The following DPYD variants were observed in gnomAD, a reference collection of about 807,000 sequenced individuals.
DPYD encodes dihydropyrimidine dehydrogenase, also known as dihydropyrimidine dehydrogenase [NADP(+)].
Under a neutral mutation model 116.2 loss-of-function variants are expected in DPYD, and 109 were observed. The observed-to-expected ratio is 0.94, with a 90% CI of 0.80 to 1.10. The LOEUF (loss-of-function observed/expected upper bound fraction) is 1.10. Ranked by LOEUF, DPYD falls within the 50% of genes least tolerant of loss-of-function variation. The pLI, the probability that DPYD is intolerant of heterozygous loss-of-function variation, is 0.00. For missense variants in DPYD, 1,302 were observed against 1,254.5 expected (o/e 1.04, Z -0.57); for synonymous variants, 440 against 432.0 (o/e 1.02, Z -0.23).
intron 16 of DPYD, among the ~76,000 whole-genome samples, chr1:97,347,542 T>G (rs75932131): frequency 0.041 from 6,211 of 152,098 alleles, 165 homozygotes; most frequent in East Asian, 0.08. Context: ...CATGTTAACA[T>G]TTTGTTTCAT....
chr1:97,361,604 C>T (rs932724948), intron 16 of DPYD, among the ~76,000 whole-genome samples: 1 of 152,190 alleles, frequency 6.6e-6, no homozygotes, highest in East Asian at 1.9e-4. Context: ...AGCTTATCCA[C>T]CACGATCAAG....
chr1:97,117,597 C>T (rs1299981613), intron 20 of DPYD, among the ~76,000 whole-genome samples: 3 of 152,086 alleles, frequency 2.0e-5, no homozygotes, highest in African/African-American at 7.2e-5. Context: ...GCTAGAATGT[C>T]GAAGATGCAA....
At chr1:97,281,988 T>C (rs1665352666) in intron 18 of DPYD, among the ~76,000 whole-genome samples, 1 of 152,134 alleles carries the variant, frequency 6.6e-6, no homozygotes, top group African/African-American at 2.4e-5. Context: ...CATAAGTTAT[T>C]GGCTTTTTTC....
At chr1:97,893,047 G>A (rs946531514) in intron 1 of DPYD, among the ~76,000 whole-genome samples, 5 of 151,728 alleles carry the variant, frequency 3.3e-5, no homozygotes, top group African/African-American at 7.2e-5. Flanking sequence ...TTAGAGTGGT[G>A]CATGCAGTAA....
intron 18 of DPYD, chr1:97,295,806 T>C (rs1666493340): frequency 1.0e-6 from 1 of 964,444 alleles, no homozygotes; most frequent in South Asian, 4.8e-5. Flanking sequence ...AACCAAGGTA[T>C]TGCTTAGTTG....
chr1:97,636,830 G>A (rs758655847), intron 8 of DPYD, among the ~76,000 whole-genome samples: 1 of 152,072 alleles, frequency 6.6e-6, no homozygotes, highest in Admixed American at 6.6e-5. Context: ...TTCACTCAGT[G>A]AATGAGGGCA....
chr1:97,809,669 G>A lies in DPYD; in HGVS notation c.233+18445C>T, dbSNP rs115539062. ...TCACAGGGAGATGCAGGATAGCTGA[G>A]GTACCATGTAGTATACACAATATCA... On this transcript the variant is annotated intron_variant, in intron 3 of 22. Transcript: ENST00000370192. Among the ~76,000 whole-genome samples the A allele has an allele frequency of 5.0e-3, 764 of 152,234 alleles. 7 individuals are homozygous for A. Among genetic ancestry groups the A allele is most frequent in the African/African-American group, 0.017 (707 of 41,562 alleles).
Position 97,793,934 on chromosome 1 carries a change from G to C in DPYD, c.233+34180C>G, listed in dbSNP as rs201211807. Among the ~76,000 whole-genome samples, 273 of 152,028 alleles carry C rather than the reference G, an allele frequency of 1.8e-3. 1 individual carries two copies. Among genetic ancestry groups the C allele is most frequent in the African/African-American group, 6.2e-3 (259 of 41,504 alleles). The stretch of plus-strand genomic sequence containing the variant: ...GGTTGTTGTGTTTGTTTGTTTGTTT[G>C]GTTTGTTTGTTTGTTTGTTTGAGAC... On this transcript the variant is annotated intron_variant, in intron 3 of 22. Coordinates refer to ENST00000370192, the MANE Select transcript of DPYD (RefSeq NM_000110.4).
chr1:97,368,117 AG>A (rs1466308697), intron 16 of DPYD, among the ~76,000 whole-genome samples: 2 of 152,054 alleles, frequency 1.3e-5, no homozygotes. Context: ...GTATGCAAAA[AG>A]GTATAGTAGG....
chr1:97,261,752 G>A (rs1663897888), intron 18 of DPYD, among the ~76,000 whole-genome samples: 1 of 151,908 alleles, frequency 6.6e-6, no homozygotes, highest in African/African-American at 2.4e-5. Flanking sequence ...CCTCATAATA[G>A]CTCTATGAAG....
At chr1:97,495,243 G>GGA (rs1679198941) in intron 13 of DPYD, among the ~76,000 whole-genome samples, 1 of 151,972 alleles carries the variant, frequency 6.6e-6, no homozygotes, top group Admixed American at 6.6e-5. Context: ...CAGATAAGCA[G>GGA]GAGAGAGAGA....
chr1:97,746,724 C>G (rs1664578381), intron 3 of DPYD, among the ~76,000 whole-genome samples: 1 of 151,982 alleles, frequency 6.6e-6, no homozygotes, highest in South Asian at 2.1e-4. Flanking sequence ...CAGGTACAGA[C>G]AGTTATAACC....
At chr1:97,893,746 C>T (rs1230481543) in intron 1 of DPYD, among the ~76,000 whole-genome samples, 1 of 151,658 alleles carries the variant, frequency 6.6e-6, no homozygotes, top group Non-Finnish European at 1.5e-5. Flanking sequence ...TTATGTCACT[C>T]TCACACTCAA....
At chr1:97,582,274 T>C (rs1048784535) in intron 10 of DPYD, among the ~76,000 whole-genome samples, 1 of 152,236 alleles carries the variant, frequency 6.6e-6, no homozygotes, top group Non-Finnish European at 1.5e-5. Flanking sequence ...AGATAGAACC[T>C]GAGGAAATCT....
intron 13 of DPYD, among the ~76,000 whole-genome samples, chr1:97,489,511 C>T (rs1217859702): frequency 6.6e-6 from 1 of 152,120 alleles, no homozygotes; most frequent in Admixed American, 6.5e-5. Context: ...ATTTTATCAA[C>T]ATCAATATTT....
chr1:97,135,249 C>G (rs1426110759), intron 20 of DPYD, among the ~76,000 whole-genome samples: 1 of 152,098 alleles, frequency 6.6e-6, no homozygotes, highest in Admixed American at 6.6e-5. Flanking sequence ...AAAACCCCGG[C>G]TATAGGCATT....
intron 2 of DPYD, among the ~76,000 whole-genome samples, chr1:97,828,432 T>A (rs529384931): frequency 6.6e-6 from 1 of 152,088 alleles, no homozygotes; most frequent in Non-Finnish European, 1.5e-5. Context: ...CAAAGTGGAG[T>A]TTCGTTATCA....
chr1:97,247,682 C>T (rs769416587), intron 18 of DPYD, among the ~76,000 whole-genome samples: 6 of 152,108 alleles, frequency 3.9e-5, no homozygotes, highest in Non-Finnish European at 8.8e-5. Context: ...GCCATCACTA[C>T]AGTTTCTAAA....
At position 97,287,664 on chromosome 1, in the gene DPYD, C is replaced by A. The variant is rs768463961; in HGVS notation, c.2299+17595G>T. Among the ~76,000 whole-genome samples, 18 of 152,246 alleles carry A rather than the reference C, an allele frequency of 1.2e-4. No individual in the cohort carries two copies. The Middle Eastern group carries it at 0.01, about 86-fold the overall frequency. On this transcript the variant is annotated intron_variant, in intron 18 of 22. Coordinates refer to ENST00000370192, the MANE Select transcript of DPYD (RefSeq NM_000110.4). ...ACCCCTCCCCCAGCCTCGCTGCCGC[C>A]TTGCAGTTTGATCTCAGACTGCTGT...
Sources: gnomAD v4.1 joint callset for allele counts (sites outside exome capture counted in the v4.1 genomes callset) on GRCh38, gnomAD v4.1.1 for gene constraint, MANE v1.5 for transcripts, NCBI Gene and HGNC (gene_info 2026-07-23, HGNC 2026-07-21) for gene names.